Variants in LRRTM4 observed in about 807,000 individuals in gnomAD.
The protein encoded by LRRTM4 is leucine-rich repeat transmembrane neuronal protein 4.
LRRTM4 carries 25 observed loss-of-function variants against 47.6 expected under a neutral mutation model. That is an observed-to-expected ratio of 0.53 (90% CI 0.38 to 0.73). The LOEUF (loss-of-function observed/expected upper bound fraction) is 0.73. Among genes scored for constraint, LRRTM4 ranks in the 30% least tolerant of loss-of-function variants. The pLI is 0.00. For missense variants in LRRTM4, 638 were observed against 713.4 expected, an observed-to-expected ratio of 0.89 and a Z score of 1.20; for synonymous variants, 311 against 269.5, an observed-to-expected ratio of 1.15 and a Z score of -1.51.
rs1182300352 is a variant in LRRTM4, at chr2:76,840,237, C to T, written c.1552-91321G>A. Among the ~76,000 whole-genome samples, 3 of 152,104 alleles carry T rather than the reference C, an allele frequency of 2.0e-5. No individual in the cohort carries two copies. In the East Asian group the frequency reaches 5.8e-4, roughly 29 times the overall value. On this transcript the variant is annotated intron_variant, in intron 3 of 3. Transcript: ENST00000409884. ...CTTGGATTTATTTTTTTCCCCAAAA[C>T]TATAGTTTAAATAAAATACAATGAA...
At chr2:77,387,486 A>C (rs747160595) in intron 3 of LRRTM4, among the ~76,000 whole-genome samples, 2 of 152,020 alleles carry the variant, frequency 1.3e-5, no homozygotes, top group Non-Finnish European at 1.5e-5. Flanking sequence ...GGTTTCTTAC[A>C]CTCAAGGTCT....
intron 3 of LRRTM4, among the ~76,000 whole-genome samples, chr2:76,991,059 A>G (rs1237775664): frequency 6.6e-6 from 1 of 151,838 alleles, no homozygotes; most frequent in Non-Finnish European, 1.5e-5. Context: ...TGGGTAAAAA[A>G]GAAAATTAAG....
intron 3 of LRRTM4, among the ~76,000 whole-genome samples, chr2:77,286,962 T>A (rs1676680899): frequency 1.3e-5 from 2 of 152,102 alleles, no homozygotes; most frequent in African/African-American, 4.8e-5. Context: ...TTCCTTCTTC[T>A]AGTCTGGGAG....
chr2:76,994,502 A>T (rs1049323392), intron 3 of LRRTM4, among the ~76,000 whole-genome samples: 1 of 151,628 alleles, frequency 6.6e-6, no homozygotes, highest in African/African-American at 2.4e-5. Flanking sequence ...GCCATGAGCA[A>T]TAAAATCCCA....
At chr2:77,190,291 C>CTTTTT in intron 3 of LRRTM4, among the ~76,000 whole-genome samples, 1 of 103,908 alleles carries the variant, frequency 9.6e-6, no homozygotes, top group Non-Finnish European at 1.8e-5. Flanking sequence ...GCATTTTCAT[C>CTTTTT]TTTTTTTTTT....
intron 3 of LRRTM4, among the ~76,000 whole-genome samples, chr2:77,453,920 C>A (rs1676363452): frequency 1.3e-5 from 2 of 151,902 alleles, no homozygotes; most frequent in Non-Finnish European, 2.9e-5. Context: ...TGTAATATTT[C>A]TATTTTCTAG....
intron 3 of LRRTM4, among the ~76,000 whole-genome samples, chr2:76,939,048 A>C (rs1349246518): frequency 6.6e-6 from 1 of 152,122 alleles, no homozygotes; most frequent in Non-Finnish European, 1.5e-5. Context: ...AACTCCCCAC[A>C]CATTCTACTT....
At chr2:77,500,396 G>C (rs535826953) in intron 3 of LRRTM4, among the ~76,000 whole-genome samples, 17 of 151,542 alleles carry the variant, frequency 1.1e-4, no homozygotes, top group African/African-American at 4.1e-4. Flanking sequence ...TTAATATTTG[G>C]CATATTGTTT....
At chr2:76,776,059 C>G (rs71490163) in intron 3 of LRRTM4, among the ~76,000 whole-genome samples, 1 of 152,168 alleles carries the variant, frequency 6.6e-6, no homozygotes, top group Non-Finnish European at 1.5e-5. Context: ...TTTCCAATTT[C>G]ATCCATGTCC....
At chr2:77,323,226 A>G (rs1670613926) in intron 3 of LRRTM4, among the ~76,000 whole-genome samples, 1 of 152,082 alleles carries the variant, frequency 6.6e-6, no homozygotes, top group African/African-American at 2.4e-5. Flanking sequence ...AAACAGATTA[A>G]ATGCCAGAAA....
chr2:77,057,805 C>T (rs540614217), intron 3 of LRRTM4, among the ~76,000 whole-genome samples: 4 of 152,080 alleles, frequency 2.6e-5, no homozygotes, highest in Non-Finnish European at 5.9e-5. Context: ...ATAAATGACA[C>T]CTCTATTAAG....
At chr2:76,872,085 T>C (rs1672640030) in intron 3 of LRRTM4, among the ~76,000 whole-genome samples, 1 of 152,206 alleles carries the variant, frequency 6.6e-6, no homozygotes, top group African/African-American at 2.4e-5. Context: ...TGTGCTATTT[T>C]AAGCTGCTAA....
Position 77,290,652 on chromosome 2 carries a change from C to T in LRRTM4, c.1551+227666G>A, listed in dbSNP as rs143920919. Among the ~76,000 whole-genome samples, 530 of 151,984 alleles carry T rather than the reference C, an allele frequency of 3.5e-3. 1 individual carries two copies. Among genetic ancestry groups the T allele is most frequent in the African/African-American group, 0.011 (467 of 41,482 alleles). On this transcript the variant is annotated intron_variant, in intron 3 of 3. Coordinates refer to ENST00000409884, the MANE Select transcript of LRRTM4 (RefSeq NM_001134745.3). ...TCTGTGCTTGTATCAAAATATCACA[C>T]GTACCCCATAAATATATACTATTAT...
intron 3 of LRRTM4, among the ~76,000 whole-genome samples, chr2:77,453,273 C>G (rs1676336953): frequency 6.7e-6 from 1 of 150,306 alleles, no homozygotes; most frequent in African/African-American, 2.5e-5. Context: ...GCTCCGCCTC[C>G]TGGGTTCACG....
chr2:76,972,175 G>A (rs1676241845), intron 3 of LRRTM4, among the ~76,000 whole-genome samples: 1 of 151,976 alleles, frequency 6.6e-6, no homozygotes, highest in Admixed American at 6.6e-5. Flanking sequence ...CCCAATAGTA[G>A]TTCTCTGAGA....
intron 3 of LRRTM4, among the ~76,000 whole-genome samples, chr2:77,327,625 C>T (rs1448169872): frequency 6.6e-6 from 1 of 152,036 alleles, no homozygotes; most frequent in African/African-American, 2.4e-5. Context: ...TATGTAATTA[C>T]AGGATTTGAG....
At chr2:77,012,559 T>A (rs1437405195) in intron 3 of LRRTM4, among the ~76,000 whole-genome samples, 4 of 152,206 alleles carry the variant, frequency 2.6e-5, no homozygotes, top group Admixed American at 6.5e-5. Context: ...TGAGTGCTGA[T>A]CTCATTGCAC....
At chr2:76,796,853 C>T (rs964819288) in intron 3 of LRRTM4, among the ~76,000 whole-genome samples, 4 of 152,030 alleles carry the variant, frequency 2.6e-5, no homozygotes, top group African/African-American at 9.6e-5. Flanking sequence ...CTGATTCGAT[C>T]AACTGGAAGA....
chr2:77,224,133 G>A (rs1388241786), intron 3 of LRRTM4, among the ~76,000 whole-genome samples: 1 of 151,618 alleles, frequency 6.6e-6, no homozygotes, highest in East Asian at 1.9e-4. Flanking sequence ...TTAATAAATG[G>A]TGCTGGGAAA....
Sources: gnomAD v4.1 joint callset for allele counts (sites outside exome capture counted in the v4.1 genomes callset) on GRCh38, gnomAD v4.1.1 for gene constraint, MANE v1.5 for transcripts, NCBI Gene and HGNC (gene_info 2026-07-23, HGNC 2026-07-21) for gene names.